KSR2: variants seen among roughly 807,000 people sequenced by gnomAD.
The protein encoded by KSR2 is kinase suppressor of ras 2.
KSR2 carries 25 observed loss-of-function variants against 107.8 expected under a neutral mutation model. That is an observed-to-expected ratio of 0.23 (90% confidence interval 0.17 to 0.32). The LOEUF is 0.32. Ranked by LOEUF, KSR2 falls within the 10% of genes least tolerant of loss-of-function variation. The pLI, the probability that KSR2 is intolerant of heterozygous loss-of-function variation, is 1.00. For missense variants in KSR2, 887 were observed against 1,268.9 expected (o/e 0.70, Z 4.57); for synonymous variants, 480 against 507.0 (o/e 0.95, Z 0.71).
intron 2 of KSR2, 88 bp from the exon 3 acceptor site, chr12:117,855,666 C>A: frequency 7.4e-7 from 1 of 1,354,850 alleles, no homozygotes. Context: ...TAGAGGAGAA[C>A]ACTCCGCAGT....
chr12:117,826,733 G>T (rs537201574), intron 3 of KSR2, among the ~76,000 whole-genome samples: 6 of 151,830 alleles, frequency 4.0e-5, no homozygotes, highest in African/African-American at 1.2e-4. Context: ...CACACACGCC[G>T]AGAGAGACAG....
chr12:117,803,127 C>A (rs1216811827), intron 3 of KSR2, among the ~76,000 whole-genome samples: 1 of 152,096 alleles, frequency 6.6e-6, no homozygotes, highest in Non-Finnish European at 1.5e-5. Context: ...ATTGCCGAAA[C>A]AATGTACAGA....
chr12:117,812,601 G>A (rs549642630), intron 3 of KSR2, among the ~76,000 whole-genome samples: 3 of 152,100 alleles, frequency 2.0e-5, no homozygotes, highest in Non-Finnish European at 4.4e-5. Context: ...TAGCTAAGAA[G>A]AGTCCCCTCT....
At chr12:117,895,883 A>C (rs1276915017) in intron 1 of KSR2, among the ~76,000 whole-genome samples, 1 of 152,122 alleles carries the variant, frequency 6.6e-6, no homozygotes, top group East Asian at 1.9e-4. Flanking sequence ...ACATGGTGAA[A>C]CCTCATCTCT....
At chr12:117,574,921 C>T (rs996702281) in intron 7 of KSR2, among the ~76,000 whole-genome samples, 15 of 151,500 alleles carry the variant, frequency 9.9e-5, no homozygotes, top group Admixed American at 9.9e-4. Context: ...AAATCACTCC[C>T]TCCAGGGAAG....
At chr12:117,748,980 G>A (rs749680192) in intron 4 of KSR2, among the ~76,000 whole-genome samples, 3 of 151,534 alleles carry the variant, frequency 2.0e-5, no homozygotes, top group African/African-American at 7.3e-5. Flanking sequence ...GGTATAGAAC[G>A]CACAGCAGAA....
intron 5 of KSR2, among the ~76,000 whole-genome samples, chr12:117,592,642 G>A (rs1337718535): frequency 2.0e-5 from 3 of 152,220 alleles, no homozygotes; most frequent in African/African-American, 7.2e-5. Flanking sequence ...AAGAAAAGAT[G>A]GCTGAGGCAT....
At position 117,856,065 on chromosome 12, in the gene KSR2, G is replaced by A. The variant is rs141276905; in HGVS notation, c.322-487C>T. Among the ~76,000 whole-genome samples the A allele has an allele frequency of 4.6e-5, 7 of 152,260 alleles. No homozygotes were observed. In the East Asian group the frequency reaches 1.4e-3, roughly 29 times the overall value. On this transcript the variant is annotated intron_variant, in intron 2 of 19. Transcript: ENST00000339824. ...GCTTCCTCTCTTCTCTGGCTGCAGGGTCTAGGGCTCACACTGGTCTTCAGA... is the reference window on the plus strand; with the variant it reads ...GCTTCCTCTCTTCTCTGGCTGCAGGATCTAGGGCTCACACTGGTCTTCAGA...
intron 3 of KSR2, among the ~76,000 whole-genome samples, chr12:117,822,823 A>G (rs1424345329): frequency 1.3e-5 from 2 of 152,170 alleles, no homozygotes; most frequent in Non-Finnish European, 2.9e-5. Context: ...CTGGATGTGT[A>G]TTGCCTTCAC....
intron 1 of KSR2, among the ~76,000 whole-genome samples, chr12:117,867,132 A>G (rs904202123): frequency 6.6e-6 from 1 of 152,012 alleles, no homozygotes; most frequent in Non-Finnish European, 1.5e-5. Flanking sequence ...CCTGGCCAAC[A>G]TGGTAAGACC....
intron 3 of KSR2, among the ~76,000 whole-genome samples, chr12:117,786,784 C>A (rs951839100): frequency 6.6e-6 from 1 of 151,944 alleles, no homozygotes; most frequent in Non-Finnish European, 1.5e-5. Flanking sequence ...CCATTGCACT[C>A]CAGCCTGGGC....
intron 13 of KSR2, among the ~76,000 whole-genome samples, chr12:117,526,814 C>T (rs1013017545): frequency 6.6e-6 from 1 of 152,230 alleles, no homozygotes; most frequent in Admixed American, 6.5e-5. Flanking sequence ...CTGATCTTTC[C>T]ACTAAGAATG....
At chr12:117,564,044 C>G (rs1439466901) in intron 7 of KSR2, among the ~76,000 whole-genome samples, 1 of 152,152 alleles carries the variant, frequency 6.6e-6, no homozygotes, top group Non-Finnish European at 1.5e-5. Flanking sequence ...CGTGGCCTTC[C>G]CCATGGCTCT....
chr12:117,730,076 G>T (rs1887598832), intron 4 of KSR2, among the ~76,000 whole-genome samples: 1 of 152,176 alleles, frequency 6.6e-6, no homozygotes, highest in African/African-American at 2.4e-5. Flanking sequence ...ACTCCAGTCT[G>T]CCATAGTAGC....
chr12:117,778,743 C>T (rs966282377), intron 3 of KSR2, among the ~76,000 whole-genome samples: 4 of 152,176 alleles, frequency 2.6e-5, no homozygotes, highest in East Asian at 1.9e-4. Flanking sequence ...CTGGCTCCCA[C>T]GCATGCTTGC....
At chr12:117,709,098 A>C (rs1017936770) in intron 4 of KSR2, among the ~76,000 whole-genome samples, 2 of 152,098 alleles carry the variant, frequency 1.3e-5, no homozygotes. Flanking sequence ...TAACTTAAAC[A>C]CACCTGCGAA....
At chr12:117,829,388 T>G (rs1308744819) in intron 3 of KSR2, among the ~76,000 whole-genome samples, 1 of 152,218 alleles carries the variant, frequency 6.6e-6, no homozygotes. Flanking sequence ...ACTGCTTGTT[T>G]TACCCTCTGT....
intron 3 of KSR2, among the ~76,000 whole-genome samples, chr12:117,766,449 A>G (rs1225205797): frequency 6.6e-6 from 1 of 152,206 alleles, no homozygotes; most frequent in Non-Finnish European, 1.5e-5. Flanking sequence ...GGGTGATGAA[A>G]TAGGTTTGGA....
chr12:117,840,071 T>G (rs1892399673), intron 3 of KSR2, among the ~76,000 whole-genome samples: 1 of 151,516 alleles, frequency 6.6e-6, no homozygotes, highest in African/African-American at 2.4e-5. Context: ...CAGACTTTTT[T>G]CCCATTTTAT....
Sources: gnomAD v4.1 joint callset for allele counts (sites outside exome capture counted in the v4.1 genomes callset) on GRCh38, gnomAD v4.1.1 for gene constraint, MANE v1.5 for transcripts, NCBI Gene and HGNC (gene_info 2026-07-23, HGNC 2026-07-21) for gene names.